DEPDC7: variants seen among roughly 807,000 people sequenced by gnomAD.
DEPDC7 encodes the protein DEP domain-containing protein 7.
A neutral mutation model predicts 56.6 loss-of-function variants in DEPDC7; 41 were observed. That is an observed-to-expected ratio of 0.72 (90% CI 0.56 to 0.94). The LOEUF is 0.94. Ranked by LOEUF, DEPDC7 falls within the 40% of genes least tolerant of loss-of-function variation. The pLI is 0.00. For synonymous variants in DEPDC7, 185 were observed against 208.8 expected, an observed-to-expected ratio of 0.89 and a Z score of 0.98; for missense variants, 522 against 596.3, an observed-to-expected ratio of 0.88 and a Z score of 1.30.
chr11:33,018,126 C>T (rs1853482866), intron 1 of DEPDC7, among the ~76,000 whole-genome samples: 1 of 152,210 alleles, frequency 6.6e-6, no homozygotes, highest in Non-Finnish European at 1.5e-5. Flanking sequence ...CAGTCTTCAG[C>T]ATGACGCCTC....
chr11:33,021,622 T>C (rs1853525446), intron 1 of DEPDC7, among the ~76,000 whole-genome samples: 1 of 152,148 alleles, frequency 6.6e-6, no homozygotes, highest in Non-Finnish European at 1.5e-5. Flanking sequence ...CCAGGGTACA[T>C]TGTGTATGAA....
At chr11:33,028,407 T>C (rs1853599696) in intron 3 of DEPDC7, 196 bp from the exon 4 acceptor site, 2 of 455,348 alleles carry the variant, frequency 4.4e-6, no homozygotes, top group South Asian at 1.2e-4. Context: ...ATTCCTGTTG[T>C]CCAAAGCCTA....
intron 1 of DEPDC7, among the ~76,000 whole-genome samples, chr11:33,019,931 T>A (rs1470441286): frequency 6.6e-6 from 1 of 151,872 alleles, no homozygotes; most frequent in Admixed American, 6.6e-5. Flanking sequence ...GGAAACAAAT[T>A]TGTTATATGT....
At position 33,032,869 on chromosome 11, in the gene DEPDC7, T is replaced by C. The variant is rs1590210750; in HGVS notation, c.1264-20T>C. The C allele has an allele frequency of 6.3e-6, 10 of 1,592,218 alleles. No individual in the cohort carries two copies. The highest frequency in any genetic ancestry group is 1.4e-5 in the African/African-American group (1 of 73,908). On this transcript the variant is annotated intron_variant, in intron 7 of 8. Coordinates refer to ENST00000241051, the MANE Select transcript of DEPDC7 (RefSeq NM_001077242.2). ...TAAAATGCATTTGAATAATGTCCCA[T>C]GTCCCTTCTTTTTCTTAAGATTCCT...
intron 1 of DEPDC7, chr11:33,016,289 C>T (rs2133654566): frequency 7.1e-7 from 1 of 1,398,674 alleles, no homozygotes; most frequent in Admixed American, 3.4e-5. Context: ...AGACTCTCAA[C>T]TTGACCGCGC....
At chr11:33,026,399 C>A in intron 2 of DEPDC7, 1 of 306,022 alleles carries the variant, frequency 3.3e-6, no homozygotes, top group Non-Finnish European at 6.3e-6. Context: ...TAAAGGGAAA[C>A]TGGGGAGACA....
chr11:33,018,127 A>G (rs914506055), intron 1 of DEPDC7, among the ~76,000 whole-genome samples: 1 of 152,240 alleles, frequency 6.6e-6, no homozygotes, highest in African/African-American at 2.4e-5. Flanking sequence ...AGTCTTCAGC[A>G]TGACGCCTCT....
At chr11:33,023,178 C>T (rs951641149) in intron 1 of DEPDC7, among the ~76,000 whole-genome samples, 10 of 150,040 alleles carry the variant, frequency 6.7e-5, no homozygotes, top group South Asian at 4.2e-4. Flanking sequence ...TGCAGTGAGC[C>T]GAGATCACGC....
rs999014903 is a variant in DEPDC7, at chr11:33,026,466, C to A, written c.464+417C>A. The A allele has an allele frequency of 1.6e-5, 4 of 250,686 alleles. No individual in the cohort carries two copies. The Admixed American group carries it at 2.0e-4, about 12-fold the overall frequency. 15.5% of individuals were successfully genotyped at this position (250,686 alleles called of 1,614,324 possible). On this transcript the variant is annotated intron_variant, in intron 2 of 8. Transcript: ENST00000241051. ...TGGGTGATAATGCATAATGAACTTA[C>A]AGCTATTTGTCATGAAGTAAACCAA...
intron 1 of DEPDC7, among the ~76,000 whole-genome samples, chr11:33,022,243 C>G (rs751466299): frequency 2.6e-5 from 4 of 152,200 alleles, no homozygotes; most frequent in Non-Finnish European, 1.5e-5. Context: ...GTAGTGACTA[C>G]TGTTTTTAAA....
intron 1 of DEPDC7, among the ~76,000 whole-genome samples, chr11:33,021,931 T>G (rs774748585): frequency 4.6e-5 from 7 of 152,228 alleles, no homozygotes; most frequent in Non-Finnish European, 8.8e-5. Context: ...GATTAGCCTT[T>G]TCTACTCATT....
chr11:33,027,026 C>G, intron 2 of DEPDC7, among the ~76,000 whole-genome samples: 1 of 152,286 alleles, frequency 6.6e-6, no homozygotes, highest in Non-Finnish European at 1.5e-5. Context: ...TCAAAACTTT[C>G]AGATGCAGGT....
intron 1 of DEPDC7, among the ~76,000 whole-genome samples, chr11:33,024,348 A>G (rs1464441566): frequency 3.3e-5 from 5 of 152,254 alleles, no homozygotes; most frequent in African/African-American, 9.6e-5. Context: ...TACCGCGCAT[A>G]CAAAGTATTT....
At chr11:33,028,222 CT>C (rs568915210) in intron 3 of DEPDC7, 6 of 198,738 alleles carry the variant, frequency 3.0e-5, no homozygotes, top group African/African-American at 1.2e-4. Flanking sequence ...AATTTCCACC[CT>C]TTCCCCCATT....
intron 1 of DEPDC7, chr11:33,016,254 C>T (rs1355287516): frequency 2.3e-5 from 31 of 1,340,600 alleles, no homozygotes; most frequent in Non-Finnish European, 2.9e-5. Flanking sequence ...CCCGCCCGCA[C>T]AGCCCAGCTT....
At position 33,032,437 on chromosome 11, in the gene DEPDC7, G is replaced by T. The variant is rs369520659; in HGVS notation, c.1096G>T (p.Ala366Ser). The change falls in exon 6 of 9, where the codon GCT (alanine) becomes TCT (serine). Residue 366 changes from alanine to serine, a missense_variant. Physicochemically the swap from Ala to Ser is moderately conservative, Grantham distance 99. Transcript: ENST00000241051. ...EEFRRLLYFMAVAANPSEFKL... is the reference protein window; with the variant it reads ...EEFRRLLYFMSVAANPSEFKL... Reference sequence around the variant, plus strand: ...ATTTAGAAGACTACTGTATTTCATGGCTGTTGCAGCAAATCCTTCTGAGTT... The same window carrying T: ...ATTTAGAAGACTACTGTATTTCATGTCTGTTGCAGCAAATCCTTCTGAGTT... 1.3e-6 allele frequency: 2 copies of T among 1,568,824 alleles called. No individual in the cohort carries two copies. The highest frequency in any genetic ancestry group is 2.2e-5 in the Admixed American group (1 of 44,852).
chr11:33,029,176 A>G (rs1470096822), intron 4 of DEPDC7, among the ~76,000 whole-genome samples: 1 of 150,958 alleles, frequency 6.6e-6, no homozygotes, highest in Non-Finnish European at 1.5e-5. Context: ...CCTGTTACAT[A>G]TGTATTTAGT....
At chr11:33,022,659 C>A (rs940784471) in intron 1 of DEPDC7, among the ~76,000 whole-genome samples, 1 of 152,080 alleles carries the variant, frequency 6.6e-6, no homozygotes, top group African/African-American at 2.4e-5. Context: ...GAATATTAGT[C>A]GCTAACAATG....
Position 33,033,300 on chromosome 11 carries a change from T to C in DEPDC7, c.1381T>C (p.Ser461Pro). Residue 461 changes from serine (S) to proline (P), a missense_variant, in exon 9 of 9, where the codon TCC becomes CCC. By Grantham distance (74) the Ser-to-Pro change is moderately conservative (BLOSUM62 -1). Transcript: ENST00000241051. ...CCAGAGAATTGATCAACGTGACTAT[T>C]CCAACAATACAGAGAAGACAACCAA... is the stretch of plus-strand genomic sequence containing the variant. Reference protein sequence around the residue: ...YCQRIDQRDYSNNTEKTTKDE... With the variant: ...YCQRIDQRDYPNNTEKTTKDE... 6.2e-7 allele frequency: 1 copy of C among 1,601,764 alleles called. No individual in the cohort carries two copies. The highest frequency in any genetic ancestry group is 8.5e-7 in the Non-Finnish European group (1 of 1,176,850).
Sources: allele counts gnomAD v4.1 joint callset (sites outside exome capture counted in the v4.1 genomes callset), GRCh38; gene constraint gnomAD v4.1.1; transcripts MANE v1.5; gene names NCBI Gene and HGNC (gene_info 2026-07-23, HGNC 2026-07-21).